Variants in FAM83A observed in about 807,000 individuals in gnomAD.
FAM83A encodes the protein protein FAM83A.
In FAM83A, 21 loss-of-function variants were observed where a neutral mutation model predicts 24.4. The observed-to-expected ratio is 0.86, with a 90% CI of 0.61 to 1.24. FAM83A has a LOEUF of 1.24. Among genes scored for constraint, FAM83A ranks in the 50% most tolerant of loss-of-function variants. FAM83A has a pLI of 0.00. For synonymous variants in FAM83A, 270 were observed against 252.4 expected, an observed-to-expected ratio of 1.07 and a Z score of -0.66; for missense variants, 617 against 579.8, an observed-to-expected ratio of 1.06 and a Z score of -0.66.
chr8:123,194,282 G>T, intron 3 of FAM83A, 134 bp downstream of exon 3: 1 of 1,280,790 alleles, frequency 7.8e-7, no homozygotes, highest in Non-Finnish European at 1.1e-6. Flanking sequence ...CGGAGCTGGA[G>T]CTGCATCACA....
intron 1 of FAM83A, among the ~76,000 whole-genome samples, chr8:123,185,881 C>A (rs1317085079): frequency 6.6e-6 from 1 of 152,176 alleles, no homozygotes; most frequent in East Asian, 1.9e-4. Context: ...ACCTCTGCCC[C>A]CCAGATTCAA....
At chr8:123,185,529 GACA>G (rs1823763971) in intron 1 of FAM83A, among the ~76,000 whole-genome samples, 1 of 152,174 alleles carries the variant, frequency 6.6e-6, no homozygotes, top group South Asian at 2.1e-4. Context: ...ACGAACTTAG[GACA>G]ACACTTAAAA....
chr8:123,181,219 T>C (rs149483254), upstream of FAM83A, among the ~76,000 whole-genome samples: 839 of 152,306 alleles, frequency 5.5e-3, 8 homozygotes, highest in African/African-American at 0.019. Context: ...AGTGCTGGGA[T>C]TACAGGTGTG....
At chr8:123,192,310 T>C (rs1824007840) in intron 2 of FAM83A, among the ~76,000 whole-genome samples, 1 of 152,044 alleles carries the variant, frequency 6.6e-6, no homozygotes, top group Admixed American at 6.6e-5. Context: ...ATGTAAAGGG[T>C]CATGGGTATC....
At chr8:123,201,365 G>T (rs1824352193) in intron 3 of FAM83A, 1 of 152,188 alleles carries the variant, frequency 6.6e-6, no homozygotes, top group Admixed American at 6.5e-5. Flanking sequence ...AGCCTGATGT[G>T]CAGCCCAGGA....
At chr8:123,205,510 G>C (rs1172323431) in intron 3 of FAM83A, among the ~76,000 whole-genome samples, 1 of 152,202 alleles carries the variant, frequency 6.6e-6, no homozygotes, top group African/African-American at 2.4e-5. Context: ...AGGATTATCC[G>C]AGCCTTGTGC....
chr8:123,196,167 A>G (rs887426000), intron 3 of FAM83A, among the ~76,000 whole-genome samples: 3 of 152,084 alleles, frequency 2.0e-5, no homozygotes, highest in South Asian at 2.1e-4. Flanking sequence ...ACCCGCCACC[A>G]CGCTCGGCTA....
intron 2 of FAM83A, 126 bp from the exon 3 acceptor site, chr8:123,193,898 C>A: frequency 8.2e-7 from 1 of 1,214,812 alleles, no homozygotes; most frequent in Non-Finnish European, 1.1e-6. Flanking sequence ...CTTCTAGTAC[C>A]GTCACCCTGG....
At chr8:123,207,434 G>A (rs776658433) in exon 4 of FAM83A, 11 of 1,607,800 alleles carry the variant, frequency 6.8e-6, no homozygotes, top group Admixed American at 5.0e-5. Context: ...AAGTGTGTCC[G>A]CGTCTTCAGG....
intron 3 of FAM83A, among the ~76,000 whole-genome samples, chr8:123,206,212 TGTAA>T (rs1213960738): frequency 2.0e-5 from 3 of 151,584 alleles, no homozygotes; most frequent in Non-Finnish European, 4.4e-5. Flanking sequence ...CCCTAAAACC[TGTAA>T]GTGGTGGCCC....
chr8:123,191,933 T>C lies in FAM83A; in HGVS notation c.611T>C (p.Met204Thr), dbSNP rs757035932. 9 of 1,614,148 alleles carry C rather than the reference T, an allele frequency of 5.6e-6. 1 individual carries two copies. In the East Asian group the frequency reaches 1.6e-4, roughly 28 times the overall value. ...GGAGGTGTGAAGCTCTTCCAGGAGATGTGTGACAAAGTCCAGATCTCTGAC... is the reference window on the plus strand; with the variant it reads ...GGAGGTGTGAAGCTCTTCCAGGAGACGTGTGACAAAGTCCAGATCTCTGAC... The change falls in exon 2 of 4, where the codon ATG becomes ACG. Residue 204 changes from methionine to threonine, a missense_variant. Met to Thr is a moderately conservative substitution (Grantham distance 81). Transcript: ENST00000690554.
chr8:123,195,156 A>C (rs1029216223), intron 3 of FAM83A, among the ~76,000 whole-genome samples: 4 of 152,200 alleles, frequency 2.6e-5, no homozygotes, highest in Non-Finnish European at 4.4e-5. Context: ...AGTGTGACAG[A>C]GAGTGCAGAG....
upstream of FAM83A, chr8:123,180,027 C>T (rs184981278): frequency 1.6e-4 from 24 of 152,360 alleles, no homozygotes; most frequent in African/African-American, 5.5e-4. Flanking sequence ...AGTACATGGG[C>T]TCTGCCATTT....
exon 4 of FAM83A, chr8:123,207,662 T>A: frequency 6.5e-7 from 1 of 1,528,398 alleles, no homozygotes; most frequent in Non-Finnish European, 8.8e-7. Context: ...CTGGAGGCCC[T>A]TCCTGCAGGC....
At chr8:123,206,943 C>A (rs1824570935) in intron 3 of FAM83A, among the ~76,000 whole-genome samples, 1 of 149,454 alleles carries the variant, frequency 6.7e-6, no homozygotes, top group Admixed American at 6.6e-5. Context: ...CCTCTTCTTC[C>A]TCCTCCCCCT....
chr8:123,181,061 A>G (rs1443282372), upstream of FAM83A, among the ~76,000 whole-genome samples: 1 of 151,982 alleles, frequency 6.6e-6, no homozygotes, highest in East Asian at 1.9e-4. Context: ...CTCCTGCCTG[A>G]TCTCCTGCCC....
At chr8:123,185,635 C>A (rs900841684) in intron 1 of FAM83A, among the ~76,000 whole-genome samples, 15 of 152,348 alleles carry the variant, frequency 9.8e-5, no homozygotes, top group East Asian at 3.9e-4. Flanking sequence ...TTGGGTGGGT[C>A]CCCTTTGCCA....
Position 123,200,775 on chromosome 8 carries a change from A to G in FAM83A, c.774-6382A>G, listed in dbSNP as rs191860522. On this transcript the variant is annotated intron_variant, in intron 3 of 3. Transcript: ENST00000690554. Reference sequence around the variant, plus strand: ...TCGAGGCCAGCCTGGCCAACATGGCAAAACCCTGTCTCTACTAAAAATACA... The same window carrying G: ...TCGAGGCCAGCCTGGCCAACATGGCGAAACCCTGTCTCTACTAAAAATACA... 3.9e-3 allele frequency among the ~76,000 whole-genome samples: 588 copies of G among 152,084 alleles called. 4 individuals carry two copies. The highest frequency in any genetic ancestry group is 0.014 in the African/African-American group (563 of 41,500).
chr8:123,191,041 T>G (rs1467481401), intron 1 of FAM83A, among the ~76,000 whole-genome samples: 1 of 152,190 alleles, frequency 6.6e-6, no homozygotes, highest in African/African-American at 2.4e-5. Flanking sequence ...TGGTCTAGCC[T>G]TGGTCATGTG....
Sources: gnomAD v4.1 joint callset for allele counts (sites outside exome capture counted in the v4.1 genomes callset) on GRCh38, gnomAD v4.1.1 for gene constraint, MANE v1.5 for transcripts, NCBI Gene and HGNC (gene_info 2026-07-23, HGNC 2026-07-21) for gene names.